The following ETFRF1 variants were observed in gnomAD, a reference collection of about 807,000 sequenced individuals.
The protein encoded by ETFRF1 is electron transfer flavoprotein regulatory factor 1.
In ETFRF1, 12 loss-of-function variants were observed where a neutral mutation model predicts 9.0. The ratio of observed to expected loss-of-function variants is 1.34; its 90% CI spans 0.86 to 2.16. ETFRF1 has a LOEUF of 2.16. Ranked by LOEUF, ETFRF1 falls within the 30% of genes most tolerant of loss-of-function variation. ETFRF1 has a pLI of 0.00. For synonymous variants in ETFRF1, 34 were observed against 33.2 expected (o/e 1.02, Z -0.08); for missense variants, 98 against 101.8 (o/e 0.96, Z 0.16).
intron 1 of ETFRF1, among the ~76,000 whole-genome samples, chr12:25,200,645 A>G (rs1167966964): frequency 6.6e-6 from 1 of 152,214 alleles, no homozygotes; most frequent in Non-Finnish European, 1.5e-5. Flanking sequence ...ATACTCAGAC[A>G]AGCTATCAAA....
At chr12:25,202,261 C>T (rs1460392053) in intron 1 of ETFRF1, among the ~76,000 whole-genome samples, 2 of 151,532 alleles carry the variant, frequency 1.3e-5, no homozygotes, top group Admixed American at 1.3e-4. Flanking sequence ...TCCTGCTTGC[C>T]TATCAGAGTA....
At chr12:25,197,911 A>G (rs1951043348) in intron 1 of ETFRF1, among the ~76,000 whole-genome samples, 1 of 152,216 alleles carries the variant, frequency 6.6e-6, no homozygotes, top group South Asian at 2.1e-4. Flanking sequence ...AAAACTACTA[A>G]ATCTACAGTA....
intron 1 of ETFRF1, among the ~76,000 whole-genome samples, chr12:25,201,934 G>A (rs1050684724): frequency 7.9e-5 from 12 of 151,738 alleles, no homozygotes; most frequent in African/African-American, 2.9e-4. Context: ...AAAAATATAA[G>A]TTGCGGCCGG....
intron 1 of ETFRF1, among the ~76,000 whole-genome samples, chr12:25,197,359 T>G (rs1951039033): frequency 6.6e-6 from 1 of 152,250 alleles, no homozygotes; most frequent in Non-Finnish European, 1.5e-5. Context: ...TAAATGAAGC[T>G]GTGCTGTTAG....
intron 1 of ETFRF1, among the ~76,000 whole-genome samples, chr12:25,202,275 C>T (rs1469722955): frequency 6.6e-6 from 1 of 151,390 alleles, no homozygotes. Context: ...CAGAGTAATT[C>T]AGTCCAAAAG....
intron 1 of ETFRF1, among the ~76,000 whole-genome samples, chr12:25,203,095 A>G (rs1951089140): frequency 6.6e-6 from 1 of 152,234 alleles, no homozygotes; most frequent in Admixed American, 6.5e-5. Flanking sequence ...AATCTTAGCA[A>G]ATACATTAAT....
In ETFRF1 at chr12:25,205,001, A is replaced by C. The variant is rs1951118870; in HGVS notation, c.*689A>C. The C allele has an allele frequency of 4.8e-6, 1 of 206,364 alleles. No individual in the cohort carries two copies. The highest frequency in any genetic ancestry group is 5.9e-5 in the Admixed American group (1 of 16,808). 12.8% of individuals were successfully genotyped at this position (206,364 alleles called of 1,614,324 possible). On this transcript the variant is annotated 3_prime_UTR_variant, in exon 3 of 3. Transcript: ENST00000381356. ...CTTCTTTGATAAAAGGAAATAAATA[A>C]ATAATGTTATCCTATTTTTTTGTCA...
intron 1 of ETFRF1, among the ~76,000 whole-genome samples, chr12:25,198,278 C>T (rs73071298): frequency 0.013 from 1,927 of 152,126 alleles, 39 homozygotes; most frequent in South Asian, 0.082. Flanking sequence ...ATGCAGGGCC[C>T]GCATTCCTCT....
chr12:25,203,307 C>T (rs976651955), intron 1 of ETFRF1, among the ~76,000 whole-genome samples: 18 of 152,192 alleles, frequency 1.2e-4, no homozygotes, highest in African/African-American at 4.1e-4. Context: ...CATGATTTTG[C>T]CTGTTCCTCA....
rs558114099 is a variant in ETFRF1, at chr12:25,195,256, C to T, written c.-119C>T. On this transcript the variant is annotated 5_prime_UTR_variant, in exon 1 of 3. Transcript: ENST00000381356. Reference sequence around the variant, plus strand: ...CCCTTTACTGACAGGTTGCCCACCTCCCCCAACGCCACCCCGCTTCGCAGT... The same window carrying T: ...CCCTTTACTGACAGGTTGCCCACCTTCCCCAACGCCACCCCGCTTCGCAGT... 1.4e-4 allele frequency: 92 copies of T among 674,928 alleles called. No homozygotes were observed. The highest frequency in any genetic ancestry group is 1.3e-3 in the African/African-American group (76 of 56,438). The allele number at this position is 674,928 out of a possible 1,614,324, so 41.8% of individuals were successfully genotyped here.
At chr12:25,198,426 C>T (rs146025347) in intron 1 of ETFRF1, among the ~76,000 whole-genome samples, 1 of 152,100 alleles carries the variant, frequency 6.6e-6, no homozygotes, top group Non-Finnish European at 1.5e-5. Flanking sequence ...CTATATGCTT[C>T]ACCCACGTAT....
At chr12:25,202,387 AGTG>A (rs1192399883) in intron 1 of ETFRF1, among the ~76,000 whole-genome samples, 1 of 113,066 alleles carries the variant, frequency 8.8e-6, no homozygotes, top group Non-Finnish European at 2.1e-5. Context: ...GCCCAAATGC[AGTG>A]AGGAGGGCCT....
chr12:25,202,232 CA>C (rs563296325), intron 1 of ETFRF1, among the ~76,000 whole-genome samples: 150 of 140,900 alleles, frequency 1.1e-3, no homozygotes, highest in South Asian at 9.1e-3. Flanking sequence ...GAATCCATCT[CA>C]AAAAAAAAAA....
rs1159560555 is a variant in ETFRF1 at position 25,203,988 on chromosome 12, T to C, written c.32T>C (p.Val11Ala). MKMANSLRGE[V>A]LKLYKNLLYL... ...ATGGCCAATTCTTTAAGAGGAGAAG[T>C]ACTAAAACTTTATAAAAATGTAAGT... Residue 11 changes from valine (V) to alanine (A), a missense_variant, in exon 2 of 3, where the codon GTA (valine) becomes GCA (alanine). Coordinates refer to ENST00000381356, the MANE Select transcript of ETFRF1 (RefSeq NM_001001660.3). The C allele has an allele frequency of 2.0e-6, 3 of 1,505,584 alleles. No homozygotes were observed. The East Asian group carries it at 7.4e-5, about 37-fold the overall frequency. 93.3% of individuals were successfully genotyped at this position (1,505,584 alleles called of 1,614,324 possible). A position where few individuals can be genotyped will look rare whatever the true frequency, so the allele number is the denominator to read the frequency against.
At chr12:25,199,548 AACTACAT>A (rs1951057358) in intron 1 of ETFRF1, among the ~76,000 whole-genome samples, 2 of 150,900 alleles carry the variant, frequency 1.3e-5, no homozygotes, top group South Asian at 2.1e-4. Flanking sequence ...GTGGTGGGAA[AACTACAT>A]ACTATATACT....
At position 25,195,424 on chromosome 12, in the gene ETFRF1, C is replaced by T. The variant is rs186823864; in HGVS notation, c.-38+87C>T. 76 of 500,460 alleles carry T rather than the reference C, an allele frequency of 1.5e-4. No individual in the cohort carries two copies. The East Asian group carries it at 2.7e-3, about 18-fold the overall frequency. The allele number at this position is 500,460 out of a possible 1,614,324, so 31.0% of individuals were successfully genotyped here. On this transcript the variant is annotated intron_variant, in intron 1 of 2. Coordinates refer to ENST00000381356, the MANE Select transcript of ETFRF1 (RefSeq NM_001001660.3). ...GAAATATGCTCTGGGCGAGGACCAC[C>T]GGGTGTGGGAAGAGGGTTCTGAGCG... is the stretch of plus-strand genomic sequence containing the variant.
chr12:25,202,389 TGAG>T (rs67366936), intron 1 of ETFRF1, among the ~76,000 whole-genome samples: 71,187 of 151,458 alleles, frequency 0.47, 18,233 homozygotes, highest in East Asian at 0.8. Context: ...CCAAATGCAG[TGAG>T]GAGGGCCTCT....
chr12:25,201,036 T>C (rs1441864680), intron 1 of ETFRF1, among the ~76,000 whole-genome samples: 1 of 152,226 alleles, frequency 6.6e-6, no homozygotes, highest in African/African-American at 2.4e-5. Context: ...GTCTTGACCA[T>C]GTGGTGATGA....
chr12:25,198,542 A>G (rs1951049547), intron 1 of ETFRF1, among the ~76,000 whole-genome samples: 2 of 152,188 alleles, frequency 1.3e-5, no homozygotes, highest in Admixed American at 1.3e-4. Flanking sequence ...AAGCAAGCAG[A>G]AAAGCAATTT....
Sources: allele counts gnomAD v4.1 joint callset (sites outside exome capture counted in the v4.1 genomes callset), GRCh38; gene constraint gnomAD v4.1.1; transcripts MANE v1.5; gene names NCBI Gene and HGNC (gene_info 2026-07-23, HGNC 2026-07-21).